The following MYLK2 variants were observed in gnomAD, a reference collection of about 807,000 sequenced individuals.
MYLK2 encodes myosin light chain kinase 2.
Under a neutral mutation model 58.2 loss-of-function variants are expected in MYLK2, and 27 were observed. That is an observed-to-expected ratio of 0.46 (90% CI 0.34 to 0.64). MYLK2 has a LOEUF of 0.64. MYLK2 is among the 30% of genes least tolerant of loss of function. MYLK2 has a pLI of 0.01. For missense variants in MYLK2, 676 were observed against 764.3 expected, an observed-to-expected ratio of 0.88 and a Z score of 1.36; for synonymous variants, 310 against 296.7, an observed-to-expected ratio of 1.04 and a Z score of -0.46.
In MYLK2 at chr20:31,833,746, C is replaced by T. The variant is rs1457156628; in HGVS notation, c.1740C>T (p.Asn580=). 1.9e-6 allele frequency: 3 copies of T among 1,613,972 alleles called. No individual in the cohort carries two copies. Among genetic ancestry groups the T allele is most frequent in the Non-Finnish European group, 2.5e-6 (3 of 1,179,988 alleles). ...ACTTCATTGCTGTCAGCGCTGCCAA[C>T]CGCTTCAAGAAGATCAGCAGCTCGG... is the stretch of plus-strand genomic sequence containing the variant. The part of the protein sequence containing the change: ...KKNFIAVSAA[N]RFKKISSSGA... Residue 580 remains asparagine, a synonymous_variant, in exon 13 of 13, where the codon AAC becomes AAT. Transcript: ENST00000375985.
rs540888616 is a variant in MYLK2 at position 31,831,002 on chromosome 20, C to G, written c.1296-11C>G. ...AGGAGCTGTGCTCTCAGCCCTTGGT[C>G]TCACCCCCAGGTATAACCCCAACGA... On this transcript the variant is annotated splice_polypyrimidine_tract_variant and intron_variant, in intron 9 of 12. Transcript: ENST00000375985. 5.6e-6 allele frequency: 9 copies of G among 1,614,134 alleles called. No individual in the cohort carries two copies. The African/African-American group carries it at 9.3e-5, about 17-fold the overall frequency.
In MYLK2 at chr20:31,826,777, G is replaced by T; in HGVS notation, c.1083-20G>T. 6.2e-7 allele frequency: 1 copy of T among 1,614,124 alleles called. No homozygotes were observed. Among genetic ancestry groups the T allele is most frequent in the East Asian group, 2.2e-5 (1 of 44,878 alleles). Reference sequence around the variant, plus strand: ...TACCACCAGGCACGGAGCAAGCCGTGGAGGGGTCTGTGCACACAGCATCGA... The same window carrying T: ...TACCACCAGGCACGGAGCAAGCCGTTGAGGGGTCTGTGCACACAGCATCGA... On this transcript the variant is annotated intron_variant, in intron 7 of 12. Transcript: ENST00000375985.
chr20:31,825,634 G>A (rs956799172), intron 6 of MYLK2, among the ~76,000 whole-genome samples: 4 of 152,236 alleles, frequency 2.6e-5, no homozygotes, highest in Admixed American at 1.3e-4. Flanking sequence ...GCTGATGGGG[G>A]CGCTTTTAGA....
chr20:31,830,935 G>A (rs749385016), intron 9 of MYLK2, 46 bp downstream of exon 9: 15 of 1,612,604 alleles, frequency 9.3e-6, no homozygotes, highest in Non-Finnish European at 1.3e-5. Context: ...CTCTGAGTTG[G>A]CAGGGGACAG....
At chr20:31,820,007 A>G in intron 2 of MYLK2, 119 bp from the exon 3 acceptor site, 1 of 1,299,362 alleles carries the variant, frequency 7.7e-7, no homozygotes, top group Non-Finnish European at 1.1e-6. Flanking sequence ...TCAGTGGGAC[A>G]AGCATTTGCA....
In MYLK2 at chr20:31,820,498, G is replaced by A; in HGVS notation, c.425G>A (p.Gly142Asp). 4 of 1,606,554 alleles carry A rather than the reference G, an allele frequency of 2.5e-6. No homozygotes were observed. Among genetic ancestry groups the A allele is most frequent in the Non-Finnish European group, 3.4e-6 (4 of 1,179,978 alleles). Reference sequence around the variant, plus strand: ...GAGGGCCAAGCAGCAGCCAGGAGGGGCTCACCTGCCTTTCTGCATAGCCCC... The same window carrying A: ...GAGGGCCAAGCAGCAGCCAGGAGGGACTCACCTGCCTTTCTGCATAGCCCC... ...AAEGQAAARRGSPAFLHSPSC... is the reference protein window; with the variant it reads ...AAEGQAAARRDSPAFLHSPSC... The change falls in exon 3 of 13, where the codon GGC (glycine) becomes GAC (aspartate). Residue 142 changes from glycine (G) to aspartate (D), a missense_variant. Gly to Asp is a moderately conservative substitution (Grantham distance 94). Transcript: ENST00000375985.
At position 31,821,696 on chromosome 20, in the gene MYLK2, T is replaced by C. The variant is rs2062253038; in HGVS notation, c.731T>C (p.Leu244Pro). The C allele has an allele frequency of 6.2e-7, 1 of 1,611,470 alleles. No homozygotes were observed. Among genetic ancestry groups the C allele is most frequent in the African/African-American group, 1.3e-5 (1 of 74,982 alleles). ...GAGAAATCCGAGGTGGGGCAGGCCC[T>C]CTGTCTCACAGCCAGGGAGGAGGAC... Reference protein sequence around the residue: ...PSEKSEVGQALCLTAREEDCF... With the variant: ...PSEKSEVGQAPCLTAREEDCF... Residue 244 changes from leucine (L) to proline (P), a missense_variant, in exon 4 of 13, where the codon CTC becomes CCC. By Grantham distance (98) the Leu-to-Pro change is moderately conservative. Coordinates refer to ENST00000375985, the MANE Select transcript of MYLK2 (RefSeq NM_033118.4).
chr20:31,825,374 G>A (rs1568630713), intron 6 of MYLK2, among the ~76,000 whole-genome samples: 2 of 152,076 alleles, frequency 1.3e-5, no homozygotes, highest in Non-Finnish European at 2.9e-5. Context: ...TCAATTAACT[G>A]GGGCCAGTTT....
intron 3 of MYLK2, among the ~76,000 whole-genome samples, chr20:31,821,077 C>G (rs1249505444): frequency 6.6e-6 from 1 of 151,950 alleles, no homozygotes; most frequent in Non-Finnish European, 1.5e-5. Context: ...CTAATGAGGT[C>G]ATTAATGATA....
Position 31,831,707 on chromosome 20 carries a change from A to T in MYLK2, c.1429A>T (p.Ser477Cys). ...SMGVITYMLL[S>C]GLSPFLGDDD... ...CCTGCTATCCCCTCCCTCTAGGCTG[A>T]GCGGCCTCTCCCCCTTCCTGGGAGA... is the stretch of plus-strand genomic sequence containing the variant. The change falls in exon 11 of 13, where the codon AGC becomes TGC. Residue 477 changes from serine to cysteine, a missense_variant. Ser to Cys is a moderately radical substitution (Grantham distance 112). Coordinates refer to ENST00000375985, the MANE Select transcript of MYLK2 (RefSeq NM_033118.4). 6.2e-7 allele frequency: 1 copy of T among 1,613,950 alleles called. No individual in the cohort carries two copies. The highest frequency in any genetic ancestry group is 1.3e-5 in the African/African-American group (1 of 74,986).
chr20:31,826,520 G>T (rs1001887107), intron 6 of MYLK2, 85 bp from the exon 7 acceptor site: 1 of 1,575,548 alleles, frequency 6.3e-7, no homozygotes, highest in African/African-American at 1.3e-5. Flanking sequence ...AAGGCTAGCA[G>T]GCCTGTTCAA....
At chr20:31,832,157 G>T in intron 12 of MYLK2, 21 bp downstream of exon 12, 2 of 1,591,738 alleles carry the variant, frequency 1.3e-6, no homozygotes, top group South Asian at 1.1e-5. Flanking sequence ...ATTCAGGGTG[G>T]GGAGGGAGGG....
chr20:31,833,907 G>C lies in MYLK2; in HGVS notation c.*110G>C. On this transcript the variant is annotated 3_prime_UTR_variant, in exon 13 of 13. Coordinates refer to ENST00000375985, the MANE Select transcript of MYLK2 (RefSeq NM_033118.4). ...CAGATCCCCAGGGCAGCCTCGTTAG[G>C]ACAAGGCTGTGCCAGGCTGGGAGGC... The C allele has an allele frequency of 9.7e-7, 1 of 1,034,920 alleles. No homozygotes were observed. The highest frequency in any genetic ancestry group is 1.5e-6 in the Non-Finnish European group (1 of 687,128). 64.1% of individuals were successfully genotyped at this position (1,034,920 alleles called of 1,614,324 possible).
In MYLK2 at chr20:31,826,461, G is replaced by C. The variant is rs1283253219; in HGVS notation, c.973-144G>C. 4 of 1,090,114 alleles carry C rather than the reference G, an allele frequency of 3.7e-6. No individual in the cohort carries two copies. In the African/African-American group the frequency reaches 6.2e-5, roughly 17 times the overall value. The allele number at this position is 1,090,114 out of a possible 1,614,324, so 67.5% of individuals were successfully genotyped here. A position where few individuals can be genotyped will look rare whatever the true frequency, so the allele number is the denominator to read the frequency against. ...GAGTGGTGAGGACCACAGATGTGGG[G>C]GTGGGGGAGAGAGGAGAGGCAAGGA... On this transcript the variant is annotated intron_variant, in intron 6 of 12. Transcript: ENST00000375985.
chr20:31,822,439 A>G lies in MYLK2; in HGVS notation c.772+702A>G, dbSNP rs2062255720. ...CAGGTGCCTGTGTGTGGGAGCAGTGACCAAGGAAGCTGGGCATGTGCAATG... is the reference window on the plus strand; with the variant it reads ...CAGGTGCCTGTGTGTGGGAGCAGTGGCCAAGGAAGCTGGGCATGTGCAATG... On this transcript the variant is annotated intron_variant, in intron 4 of 12. Coordinates refer to ENST00000375985, the MANE Select transcript of MYLK2 (RefSeq NM_033118.4). Among the ~76,000 whole-genome samples, 3 of 152,290 alleles carry G rather than the reference A, an allele frequency of 2.0e-5. No homozygotes were observed. The South Asian group carries it at 6.2e-4, about 32-fold the overall frequency.
At position 31,821,464 on chromosome 20, in the gene MYLK2, C is replaced by A. The variant is rs2062251530; in HGVS notation, c.499C>A (p.Pro167Thr). 1 of 1,613,704 alleles carries A rather than the reference C, an allele frequency of 6.2e-7. No individual in the cohort carries two copies. The highest frequency in any genetic ancestry group is 8.5e-7 in the Non-Finnish European group (1 of 1,180,030). The change falls in exon 4 of 13, where the codon CCC (proline) becomes ACC (threonine). Residue 167 changes from proline (P) to threonine (T), a missense_variant. Physicochemically the swap from Pro to Thr is conservative, Grantham distance 38 (BLOSUM62 -1). Transcript: ENST00000375985. ...SSSEKLLAKK[P>T]PSEASELTFE... is the part of the protein sequence containing the mutation. ...TTCTGAGAAGCTGCTGGCCAAGAAG[C>A]CCCCAAGCGAGGCATCAGAGCTCAC...
chr20:31,820,643 T>C, intron 3 of MYLK2, 97 bp downstream of exon 3: 1 of 1,431,100 alleles, frequency 7.0e-7, no homozygotes, highest in Non-Finnish European at 9.6e-7. Flanking sequence ...ATCATCACAT[T>C]CAGTGCTGGG....
At chr20:31,829,024 A>T (rs6058470) in intron 8 of MYLK2, among the ~76,000 whole-genome samples, 42,692 of 151,884 alleles carry the variant, frequency 0.28, 7,345 homozygotes, top group African/African-American at 0.47. Flanking sequence ...GAGGGTTAGG[A>T]AAAGAAAGGA....
In MYLK2 at chr20:31,819,597, G is replaced by A. The variant is rs2062241270; in HGVS notation, c.17G>A (p.Gly6Glu). 1.3e-6 allele frequency: 2 copies of A among 1,551,598 alleles called. No homozygotes were observed. The highest frequency in any genetic ancestry group is 1.7e-6 in the Non-Finnish European group (2 of 1,147,002). Reference sequence around the variant, plus strand: ...CCCTACCTCATGGCGACAGAAAATGGAGCAGTTGAGCTGGGAATTCAGAAC... The same window carrying A: ...CCCTACCTCATGGCGACAGAAAATGAAGCAGTTGAGCTGGGAATTCAGAAC... MATEN[G>E]AVELGIQNPS... Residue 6 changes from glycine to glutamate, a missense_variant, in exon 2 of 13, where the codon GGA becomes GAA. Transcript: ENST00000375985.
Sources: allele counts gnomAD v4.1 joint callset (sites outside exome capture counted in the v4.1 genomes callset), GRCh38; gene constraint gnomAD v4.1.1; transcripts MANE v1.5; gene names NCBI Gene and HGNC (gene_info 2026-07-23, HGNC 2026-07-21).